Variants in CYB5RL observed in about 807,000 individuals in gnomAD.
CYB5RL encodes the protein NADH-cytochrome b5 reductase-like.
CYB5RL carries 38 observed loss-of-function variants against 37.5 expected under a neutral mutation model. That is an observed-to-expected ratio of 1.01 (90% CI 0.78 to 1.33). The LOEUF (loss-of-function observed/expected upper bound fraction) is 1.33. Among genes scored for constraint, CYB5RL ranks in the 40% most tolerant of loss-of-function variants. The pLI, the probability that CYB5RL is intolerant of heterozygous loss-of-function variation, is 0.00. For missense variants in CYB5RL, 388 were observed against 394.4 expected (o/e 0.98, Z 0.14); for synonymous variants, 141 against 151.9 (o/e 0.93, Z 0.53).
rs775407036 is a variant in CYB5RL at position 54,195,503 on chromosome 1, A to T, written c.114T>A (p.Phe38Leu). ...TTGCCAGATCTCGGTGATAGAGGTC[A>T]AACACACAGGGTGAGCAGCCACTGC... Reference protein sequence around the residue: ...CCGSGCSPCVFDLYHRDLARW... With the variant: ...CCGSGCSPCVLDLYHRDLARW... The change falls in exon 3 of 8, where the codon TTT becomes TTA. Residue 38 changes from phenylalanine (F) to leucine (L), a missense_variant. Transcript: ENST00000534324. 6.2e-7 allele frequency: 1 copy of T among 1,613,266 alleles called. No individual in the cohort carries two copies. The highest frequency in any genetic ancestry group is 1.3e-5 in the African/African-American group (1 of 74,864).
At chr1:54,198,630 C>CTTTTT (rs145616563) in intron 1 of CYB5RL, among the ~76,000 whole-genome samples, 1 of 103,948 alleles carries the variant, frequency 9.6e-6, no homozygotes, top group African/African-American at 4.0e-5. Flanking sequence ...CATGCCCGGC[C>CTTTTT]TTTTTTTTTT....
intron 4 of CYB5RL, among the ~76,000 whole-genome samples, chr1:54,188,686 T>C (rs994542350): frequency 1.3e-5 from 2 of 152,218 alleles, no homozygotes; most frequent in Admixed American, 6.5e-5. Context: ...GGAAGTCACT[T>C]GCACAGCTCA....
intron 4 of CYB5RL, among the ~76,000 whole-genome samples, chr1:54,189,279 C>T (rs182530742): frequency 1.6e-3 from 239 of 152,286 alleles, no homozygotes; most frequent in Non-Finnish European, 3.0e-3. Context: ...AGCACTATGA[C>T]GTCTGCTGCA....
intron 1 of CYB5RL, among the ~76,000 whole-genome samples, chr1:54,197,637 A>C (rs1276667863): frequency 1.3e-5 from 2 of 152,120 alleles, no homozygotes; most frequent in African/African-American, 2.4e-5. Flanking sequence ...CATATATGCT[A>C]ATCCGACTTC....
In CYB5RL at chr1:54,173,138, T is replaced by C. The variant is rs1490263432; in HGVS notation, c.*1481A>G. 3 of 152,228 alleles carry C rather than the reference T, an allele frequency of 2.0e-5. No homozygotes were observed. The highest frequency in any genetic ancestry group is 4.8e-5 in the African/African-American group (2 of 41,454). 9.4% of individuals were successfully genotyped at this position (152,228 alleles called of 1,614,324 possible). A position where few individuals can be genotyped will look rare whatever the true frequency, so the allele number is the denominator to read the frequency against. ...TGCTCTCTGACCCTGGAACTCTGCC[T>C]GTGAGGCGGTCTGAAACCTCCAGCA... On this transcript the variant is annotated 3_prime_UTR_variant, in exon 8 of 8. Coordinates refer to ENST00000534324, the MANE Select transcript of CYB5RL (RefSeq NM_001031672.4).
Position 54,187,531 on chromosome 1 carries a change from T to C in CYB5RL, c.435+121A>G, listed in dbSNP as rs2100472501. ...CAGGACAAAGGACTTACTTCCCCAA[T>C]TGCCTTTGTCCATGTTGTTCCCAGC... On this transcript the variant is annotated intron_variant, in intron 5 of 7. Coordinates refer to ENST00000534324, the MANE Select transcript of CYB5RL (RefSeq NM_001031672.4). 4 of 883,306 alleles carry C rather than the reference T, an allele frequency of 4.5e-6. No individual in the cohort carries two copies. In the East Asian group the frequency reaches 7.7e-5, roughly 17 times the overall value. 54.7% of individuals were successfully genotyped at this position (883,306 alleles called of 1,614,324 possible). A position where few individuals can be genotyped will look rare whatever the true frequency, so the allele number is the denominator to read the frequency against.
At chr1:54,197,317 C>CTTTTT (rs766084507) in intron 1 of CYB5RL, among the ~76,000 whole-genome samples, 19 of 124,032 alleles carry the variant, frequency 1.5e-4, no homozygotes, top group Admixed American at 5.3e-4. Context: ...CTTTTCTTTT[C>CTTTTT]TTTTTTTTTT....
In CYB5RL at chr1:54,172,121, G is replaced by T. The variant is rs192874021; in HGVS notation, c.*2498C>A. The T allele has an allele frequency of 6.6e-6, 1 of 152,664 alleles. No homozygotes were observed. Among genetic ancestry groups the T allele is most frequent in the Non-Finnish European group, 1.5e-5 (1 of 68,474 alleles). The allele number at this position is 152,664 out of a possible 1,614,324, so 9.5% of individuals were successfully genotyped here. On this transcript the variant is annotated 3_prime_UTR_variant, in exon 8 of 8. Coordinates refer to ENST00000534324, the MANE Select transcript of CYB5RL (RefSeq NM_001031672.4). ...AGGACAGAGATACGAGAACTGCCCC[G>T]GACTCTCTACTCCTTAAGTGGAGAC...
At chr1:54,176,862 C>T (rs1261434408) in intron 7 of CYB5RL, among the ~76,000 whole-genome samples, 1 of 152,110 alleles carries the variant, frequency 6.6e-6, no homozygotes, top group Admixed American at 6.5e-5. Flanking sequence ...ACCATCAAGG[C>T]CAGCCTGGGG....
At chr1:54,189,675 A>G (rs527991827) in intron 4 of CYB5RL, among the ~76,000 whole-genome samples, 2 of 152,242 alleles carry the variant, frequency 1.3e-5, no homozygotes, top group Non-Finnish European at 2.9e-5. Flanking sequence ...GGAGGCAGGG[A>G]GTTCTGAGCA....
In CYB5RL at chr1:54,171,260, A is replaced by G. The variant is rs549813092; in HGVS notation, c.*3359T>C. 1 of 456,140 alleles carries G rather than the reference A, an allele frequency of 2.2e-6. No individual in the cohort carries two copies. Among genetic ancestry groups the G allele is most frequent in the African/African-American group, 2.0e-5 (1 of 50,102 alleles). 28.3% of individuals were successfully genotyped at this position (456,140 alleles called of 1,614,324 possible). On this transcript the variant is annotated 3_prime_UTR_variant, in exon 8 of 8. Transcript: ENST00000534324. ...TGTAAGGGATGAGCTGACGCAAGAG[A>G]ACATGTTTGGAGCCTGAGAGGTGGG...
chr1:54,174,655 G>A lies in CYB5RL; in HGVS notation c.912C>T (p.Cys304=), dbSNP rs61741270. Residue 304 remains cysteine, a synonymous_variant, in exon 8 of 8, where the codon TGC becomes TGT. Transcript: ENST00000534324. ...FTKDIARCLL[C]AGLTEDSYFL... ...AATAGGAGTCCTCAGTGAGGCCTGC[G>A]CACAGTAAGCACCTGGCTATGTCTT... 3.1e-3 allele frequency: 5,072 copies of A among 1,612,536 alleles called. 119 individuals are homozygous for A. In the African/African-American group the frequency reaches 0.057, roughly 18 times the overall value.
At chr1:54,192,440 C>T (rs1643964425) in intron 3 of CYB5RL, among the ~76,000 whole-genome samples, 1 of 152,020 alleles carries the variant, frequency 6.6e-6, no homozygotes, top group Non-Finnish European at 1.5e-5. Flanking sequence ...CCACTTTGGC[C>T]TCTCAAAGTG....
At chr1:54,186,545 C>T (rs144580360) in intron 5 of CYB5RL, among the ~76,000 whole-genome samples, 10 of 152,316 alleles carry the variant, frequency 6.6e-5, no homozygotes, top group East Asian at 1.9e-4. Context: ...TTCTAGCAAA[C>T]GAAGGAGAAA....
At chr1:54,193,459 G>C (rs1643975265) in intron 3 of CYB5RL, among the ~76,000 whole-genome samples, 1 of 152,188 alleles carries the variant, frequency 6.6e-6, no homozygotes, top group Non-Finnish European at 1.5e-5. Context: ...AAGAAACAGA[G>C]GTTGTCACGA....
At chr1:54,184,754 C>G (rs151314576) in intron 5 of CYB5RL, 1 of 152,402 alleles carries the variant, frequency 6.6e-6, no homozygotes, top group Admixed American at 6.5e-5. Flanking sequence ...AAAAGAGGCA[C>G]GAAATCCATA....
chr1:54,190,482 G>C, intron 4 of CYB5RL: 1 of 594,548 alleles, frequency 1.7e-6, no homozygotes, highest in South Asian at 2.1e-5. Flanking sequence ...ACAGGATTTT[G>C]TGAGGGTTAA....
chr1:54,187,180 C>T (rs986225476), intron 5 of CYB5RL, among the ~76,000 whole-genome samples: 2 of 152,180 alleles, frequency 1.3e-5, no homozygotes, highest in African/African-American at 2.4e-5. Flanking sequence ...TTGTTCATCT[C>T]ATATCTGCCA....
intron 1 of CYB5RL, among the ~76,000 whole-genome samples, chr1:54,197,272 G>A (rs955425320): frequency 6.6e-6 from 1 of 151,286 alleles, no homozygotes; most frequent in Non-Finnish European, 1.5e-5. Context: ...GTCCATCCCT[G>A]CTCATAAAAG....
Sources: gnomAD v4.1 joint callset for allele counts (sites outside exome capture counted in the v4.1 genomes callset) on GRCh38, gnomAD v4.1.1 for gene constraint, MANE v1.5 for transcripts, NCBI Gene and HGNC (gene_info 2026-07-23, HGNC 2026-07-21) for gene names.